The following RBM47 variants were observed in gnomAD, a reference collection of about 807,000 sequenced individuals.
The protein encoded by RBM47 is RNA-binding protein 47.
RBM47 carries 21 observed loss-of-function variants against 47.1 expected under a neutral mutation model. The ratio of observed to expected loss-of-function variants is 0.45; its 90% confidence interval spans 0.32 to 0.64. The LOEUF (loss-of-function observed/expected upper bound fraction) is 0.64. Among genes scored for constraint, RBM47 ranks in the 30% least tolerant of loss-of-function variants. RBM47 has a pLI of 0.05. For missense variants in RBM47, 708 were observed against 870.9 expected, an observed-to-expected ratio of 0.81 and a Z score of 2.35; for synonymous variants, 375 against 361.7, an observed-to-expected ratio of 1.04 and a Z score of -0.42.
At chr4:40,565,680 T>C (rs148171223) in intron 1 of RBM47, among the ~76,000 whole-genome samples, 115 of 152,270 alleles carry the variant, frequency 7.6e-4, no homozygotes, top group Admixed American at 1.3e-3. Context: ...TCTCAGTCAA[T>C]GCTAGTCTCC....
chr4:40,625,977 A>T (rs1051781966), intron 1 of RBM47, among the ~76,000 whole-genome samples: 1 of 152,156 alleles, frequency 6.6e-6, no homozygotes, highest in Non-Finnish European at 1.5e-5. Context: ...TGTGCTTTTG[A>T]TTTCTAAAAT....
At chr4:40,478,009 CTTT>C (rs1194806938) in intron 2 of RBM47, among the ~76,000 whole-genome samples, 1 of 86,410 alleles carries the variant, frequency 1.2e-5, no homozygotes, top group African/African-American at 4.8e-5. Flanking sequence ...GTGGCATGTT[CTTT>C]TTTTTTTTTT....
intron 1 of RBM47, among the ~76,000 whole-genome samples, chr4:40,592,162 A>G (rs990661374): frequency 2.0e-5 from 3 of 152,170 alleles, no homozygotes; most frequent in African/African-American, 7.2e-5. Context: ...AAAAACTAGC[A>G]TCAAAGTAGA....
rs575135174 is a variant in RBM47, at chr4:40,501,080, A to G, written c.-154-34381T>C. 5.3e-5 allele frequency among the ~76,000 whole-genome samples: 8 copies of G among 152,106 alleles called. 1 individual carries two copies. The South Asian group carries it at 1.7e-3, about 32-fold the overall frequency. On this transcript the variant is annotated intron_variant, in intron 2 of 6. Transcript: ENST00000295971. ...ACAAAACAGCAATATAAAACAAGCG[A>G]TCCCGGGTGACTGAAGTTTTAACTC...
chr4:40,481,934 C>T (rs767613727), intron 2 of RBM47, among the ~76,000 whole-genome samples: 1 of 152,206 alleles, frequency 6.6e-6, no homozygotes, highest in African/African-American at 2.4e-5. Flanking sequence ...ATCCACCGGC[C>T]TCAACCTCCC....
At chr4:40,525,330 C>T (rs573152188) in intron 2 of RBM47, among the ~76,000 whole-genome samples, 66 of 151,946 alleles carry the variant, frequency 4.3e-4, no homozygotes, top group Admixed American at 9.2e-4. Flanking sequence ...ACTATTAGCA[C>T]ACCTGTAGTC....
chr4:40,541,536 A>C (rs1261031675), intron 2 of RBM47, among the ~76,000 whole-genome samples: 1 of 152,164 alleles, frequency 6.6e-6, no homozygotes, highest in African/African-American at 2.4e-5. Context: ...CAGGAGTTCG[A>C]GACCAGCCTG....
intron 2 of RBM47, among the ~76,000 whole-genome samples, chr4:40,509,440 A>G (rs1315649000): frequency 6.6e-6 from 1 of 152,174 alleles, no homozygotes; most frequent in Non-Finnish European, 1.5e-5. Context: ...GGTTATCCAT[A>G]GAAATTTACA....
At chr4:40,569,836 A>G (rs1423207436) in intron 1 of RBM47, among the ~76,000 whole-genome samples, 5 of 150,982 alleles carry the variant, frequency 3.3e-5, no homozygotes, top group Admixed American at 6.6e-5. Context: ...TCAGCCTCCC[A>G]AGTAGCTGGG....
chr4:40,473,474 G>T (rs1191834229), intron 2 of RBM47, among the ~76,000 whole-genome samples: 1 of 152,202 alleles, frequency 6.6e-6, no homozygotes, highest in South Asian at 2.1e-4. Flanking sequence ...AACATGAGGA[G>T]TTAAACCTGA....
chr4:40,470,237 T>TACC (rs1718655291), intron 2 of RBM47, among the ~76,000 whole-genome samples: 1 of 151,636 alleles, frequency 6.6e-6, no homozygotes, highest in South Asian at 2.1e-4. Context: ...CCCAGCCTGG[T>TACC]ACCCTGAAAT....
At chr4:40,436,964 G>C (rs1712557736) in intron 4 of RBM47, 1 of 462,208 alleles carries the variant, frequency 2.2e-6, no homozygotes, top group Admixed American at 2.4e-5. Flanking sequence ...CTGTGGCCAG[G>C]TGTGGTGTCT....
chr4:40,484,747 T>C (rs997374218), intron 2 of RBM47, among the ~76,000 whole-genome samples: 1 of 152,224 alleles, frequency 6.6e-6, no homozygotes, highest in Non-Finnish European at 1.5e-5. Flanking sequence ...TTTTCCTTTG[T>C]AACTCTCTTC....
intron 1 of RBM47, among the ~76,000 whole-genome samples, chr4:40,600,588 C>G (rs963778779): frequency 1.3e-5 from 2 of 149,332 alleles, no homozygotes; most frequent in African/African-American, 4.9e-5. Flanking sequence ...GAGCGGAGAT[C>G]GCTCCACTGC....
intron 2 of RBM47, among the ~76,000 whole-genome samples, chr4:40,517,694 T>C (rs983137015): frequency 2.6e-5 from 4 of 152,182 alleles, no homozygotes; most frequent in African/African-American, 7.2e-5. Flanking sequence ...TAAATATATA[T>C]ACTACTATGT....
At chr4:40,553,133 T>A (rs1429755162) in intron 1 of RBM47, among the ~76,000 whole-genome samples, 2 of 142,672 alleles carry the variant, frequency 1.4e-5, no homozygotes, top group Non-Finnish European at 3.0e-5. Context: ...ACGCCCCACC[T>A]CTGATTGCTT....
At position 40,466,284 on chromosome 4, in the gene RBM47, AAG is replaced by A. The variant is rs1186258616; in HGVS notation, c.-32+291_-32+292del. On this transcript the variant is annotated intron_variant, in intron 3 of 6. Transcript: ENST00000295971. Reference sequence around the variant, plus strand: ...CTGTCTCAAAAAAAAAAAAAAAAAAAAGAAAGAAAGAAATACAGTTGACCTCT... The same window carrying A: ...CTGTCTCAAAAAAAAAAAAAAAAAAAAAAGAAAGAAATACAGTTGACCTCT... Among the ~76,000 whole-genome samples the A allele has an allele frequency of 1.8e-3, 279 of 151,344 alleles. 2 individuals are homozygous for A. Among genetic ancestry groups the A allele is most frequent in the African/African-American group, 6.6e-3 (271 of 41,192 alleles).
chr4:40,603,178 G>T (rs1316953956), intron 1 of RBM47, among the ~76,000 whole-genome samples: 1 of 152,134 alleles, frequency 6.6e-6, no homozygotes, highest in Non-Finnish European at 1.5e-5. Context: ...CATTTTGTCT[G>T]TTTTTGAACT....
At chr4:40,510,597 A>G (rs1724795247) in intron 2 of RBM47, among the ~76,000 whole-genome samples, 1 of 152,194 alleles carries the variant, frequency 6.6e-6, no homozygotes, top group Non-Finnish European at 1.5e-5. Flanking sequence ...GTGACATTCA[A>G]GAACTGTGAG....
Sources: gnomAD v4.1 joint callset for allele counts (sites outside exome capture counted in the v4.1 genomes callset) on GRCh38, gnomAD v4.1.1 for gene constraint, MANE v1.5 for transcripts, NCBI Gene and HGNC (gene_info 2026-07-23, HGNC 2026-07-21) for gene names.